OR8G5: variants seen among roughly 807,000 people sequenced by gnomAD.
OR8G5 encodes olfactory receptor family 8 subfamily G member 5, also known as olfactory receptor 8G5.
For synonymous variants in OR8G5, 147 were observed against 147.7 expected, an observed-to-expected ratio of 1.00 and a Z score of 0.03; for missense variants, 347 against 371.9, an observed-to-expected ratio of 0.93 and a Z score of 0.55.
chr11:124,260,659 T>G (rs990080923), intron 1 of OR8G5, among the ~76,000 whole-genome samples: 42 of 148,940 alleles, frequency 2.8e-4, no homozygotes, highest in African/African-American at 9.2e-4. Flanking sequence ...TCCACAGATA[T>G]GGTAAATCTC....
In OR8G5 at chr11:124,265,898, A is replaced by T; in HGVS notation, c.*31A>T. The T allele has an allele frequency of 6.4e-7, 1 of 1,554,936 alleles. No individual in the cohort carries two copies. The highest frequency in any genetic ancestry group is 1.2e-5 in the South Asian group (1 of 81,470). The stretch of plus-strand genomic sequence containing the variant: ...AGTACAATGAAAAAGATTGCATTAG[A>T]TCTAAGTTTTTGGCTATGATATTGT... On this transcript the variant is annotated 3_prime_UTR_variant, in exon 2 of 2. Coordinates refer to ENST00000641992, the MANE Select transcript of OR8G5 (RefSeq NM_001005198.2).
Position 124,265,846 on chromosome 11 carries a change from AG to A in OR8G5, c.918del (p.Arg308GlufsTer66). On this transcript the variant is annotated frameshift_variant, in exon 2 of 2. Transcript: ENST00000641992. LOFTEE classifies it low-confidence loss of function (END_TRUNC). ...TCCACGTTGCCCTGAAGAAAACGCT[AG>A]GGAAAAGAACATTCTTATGAACAGA... ...DVHVALKKTL[G>X]KRTFL is the part of the protein sequence containing the mutation. The A allele has an allele frequency of 6.2e-7, 1 of 1,612,470 alleles. No individual in the cohort carries two copies. The highest frequency in any genetic ancestry group is 1.3e-5 in the African/African-American group (1 of 75,004).
Position 124,265,829 on chromosome 11 carries a change from G to T in OR8G5, c.898G>T (p.Ala300Ser), listed in dbSNP as rs202012586. The T allele has an allele frequency of 6.2e-7, 1 of 1,613,718 alleles. No individual in the cohort carries two copies. The highest frequency in any genetic ancestry group is 8.5e-7 in the Non-Finnish European group (1 of 1,179,792). Reference protein sequence around the residue: ...YSLRNKDVHVALKKTLGKRTF... With the variant: ...YSLRNKDVHVSLKKTLGKRTF... ...CCTGAGGAATAAAGATGTCCACGTTGCCCTGAAGAAAACGCTAGGGAAAAG... is the reference window on the plus strand; with the variant it reads ...CCTGAGGAATAAAGATGTCCACGTTTCCCTGAAGAAAACGCTAGGGAAAAG... The change falls in exon 2 of 2, where the codon GCC becomes TCC. Residue 300 changes from alanine to serine, a missense_variant. By Grantham distance (99) the Ala-to-Ser change is moderately conservative. Transcript: ENST00000641992.
intron 1 of OR8G5, among the ~76,000 whole-genome samples, chr11:124,256,901 T>C (rs537310262): frequency 2.0e-5 from 3 of 152,196 alleles, no homozygotes; most frequent in Non-Finnish European, 1.5e-5. Context: ...TTTCTGAGCA[T>C]GCAGTAGAAA....
rs1166541949 is a variant in OR8G5 at position 124,265,437 on chromosome 11, G to A, written c.506G>A (p.Cys169Tyr). Reference protein sequence around the residue: ...HIGCMFRVQFCKFDVINHYFC... With the variant: ...HIGCMFRVQFYKFDVINHYFC... Reference sequence around the variant, plus strand: ...GGCTGTATGTTTAGGGTTCAATTCTGCAAATTTGATGTGATCAACCATTAT... The same window carrying A: ...GGCTGTATGTTTAGGGTTCAATTCTACAAATTTGATGTGATCAACCATTAT... Residue 169 changes from cysteine (C) to tyrosine (Y), a missense_variant, in exon 2 of 2, where the codon TGC (cysteine) becomes TAC (tyrosine). Cys to Tyr is a radical substitution (Grantham distance 194, BLOSUM62 -2). Transcript: ENST00000641992. The A allele has an allele frequency of 1.2e-6, 2 of 1,613,860 alleles. No individual in the cohort carries two copies. The highest frequency in any genetic ancestry group is 1.3e-5 in the African/African-American group (1 of 74,904).
chr11:124,258,016 T>C (rs1484544761), intron 1 of OR8G5, among the ~76,000 whole-genome samples: 1 of 152,110 alleles, frequency 6.6e-6, no homozygotes, highest in African/African-American at 2.4e-5. Context: ...GTACTCCATA[T>C]CCCATTATTT....
chr11:124,265,917 A>C lies in OR8G5; in HGVS notation c.*50A>C, dbSNP rs759142413. 2.0e-6 allele frequency: 3 copies of C among 1,509,526 alleles called. No homozygotes were observed. The African/African-American group carries it at 4.2e-5, about 21-fold the overall frequency. The allele number at this position is 1,509,526 out of a possible 1,614,324, so 93.5% of individuals were successfully genotyped here. On this transcript the variant is annotated 3_prime_UTR_variant, in exon 2 of 2. Transcript: ENST00000641992. Reference sequence around the variant, plus strand: ...CATTAGATCTAAGTTTTTGGCTATGATATTGTATGAAATGATGTCTTTCAC... The same window carrying C: ...CATTAGATCTAAGTTTTTGGCTATGCTATTGTATGAAATGATGTCTTTCAC...
chr11:124,265,018 C>G lies in OR8G5; in HGVS notation c.87C>G (p.Leu29=). The stretch of plus-strand genomic sequence containing the variant: ...CAGAGCTACAGCTGCCCCTCTTCCT[C>G]GTCTTCCTGGGAATCTATGTAGTCA... ...EKSELQLPLF[L]VFLGIYVVTV... is the part of the protein sequence containing the mutation. Residue 29 remains leucine, a synonymous_variant, in exon 2 of 2, where the codon CTC becomes CTG. Transcript: ENST00000641992. 1.2e-6 allele frequency: 2 copies of G among 1,614,042 alleles called. No individual in the cohort carries two copies. Among genetic ancestry groups the G allele is most frequent in the East Asian group, 4.5e-5 (2 of 44,874 alleles).
At chr11:124,259,815 G>A (rs955164639) in intron 1 of OR8G5, among the ~76,000 whole-genome samples, 3 of 152,016 alleles carry the variant, frequency 2.0e-5, no homozygotes, top group Non-Finnish European at 4.4e-5. Context: ...CATATATTCT[G>A]AAAGCCTGTG....
Position 124,265,538 on chromosome 11 carries a change from A to G in OR8G5, c.607A>G (p.Ser203Gly). Residue 203 changes from serine (S) to glycine (G), a missense_variant, in exon 2 of 2, where the codon AGT becomes GGT. Transcript: ENST00000641992. ...TAATGAGTTACTGATTTTAATCTTT[A>G]GTGGAATTAACATCCTTGTCCCCAG... ...YINELLILIF[S>G]GINILVPSLT... The G allele has an allele frequency of 1.2e-6, 2 of 1,613,906 alleles. No individual in the cohort carries two copies. The highest frequency in any genetic ancestry group is 1.7e-6 in the Non-Finnish European group (2 of 1,179,780).
intron 1 of OR8G5, among the ~76,000 whole-genome samples, chr11:124,261,602 C>A (rs1179449790): frequency 6.6e-6 from 1 of 151,890 alleles, no homozygotes; most frequent in Admixed American, 6.6e-5. Context: ...CATGGACATA[C>A]TTAGCTACTA....
intron 1 of OR8G5, among the ~76,000 whole-genome samples, chr11:124,263,792 A>T (rs1011321711): frequency 6.6e-6 from 1 of 152,098 alleles, no homozygotes; most frequent in African/African-American, 2.4e-5. Context: ...TGTGTTAAGA[A>T]ATGTATAGAT....
chr11:124,259,705 T>C (rs887759970), intron 1 of OR8G5, among the ~76,000 whole-genome samples: 4 of 152,118 alleles, frequency 2.6e-5, no homozygotes, highest in African/African-American at 9.7e-5. Flanking sequence ...ATCAATCATA[T>C]TGGGAAATAC....
chr11:124,265,091 C>A lies in OR8G5; in HGVS notation c.160C>A (p.His54Asn), dbSNP rs537781830. 2.8e-5 allele frequency: 46 copies of A among 1,614,168 alleles called. 1 individual carries two copies. The South Asian group carries it at 4.4e-4, about 15-fold the overall frequency. ...GATCACACTGATTGGGCTCAGTTCT[C>A]ACCTGCACACACCTATGTACTGTTT... The part of the protein sequence containing the change: ...GMITLIGLSS[H>N]LHTPMYCFLS... Residue 54 changes from histidine to asparagine, a missense_variant, in exon 2 of 2, where the codon CAC (histidine) becomes AAC (asparagine). By Grantham distance (68) the His-to-Asn change is moderately conservative (BLOSUM62 1). Coordinates refer to ENST00000641992, the MANE Select transcript of OR8G5 (RefSeq NM_001005198.2).
chr11:124,264,603 A>C (rs946276242), intron 1 of OR8G5, among the ~76,000 whole-genome samples: 1 of 152,164 alleles, frequency 6.6e-6, no homozygotes, highest in Non-Finnish European at 1.5e-5. Flanking sequence ...ATTTTTACTT[A>C]TTTACACTGG....
chr11:124,265,149 A>G lies in OR8G5; in HGVS notation c.218A>G (p.His73Arg), dbSNP rs374534751. 2.5e-6 allele frequency: 4 copies of G among 1,614,022 alleles called. No homozygotes were observed. In the African/African-American group the frequency reaches 4.0e-5, roughly 16 times the overall value. ...AGTCTGTCCTTCATTGACTTCTGCC[A>G]TTCCACTGTCATTACCCCTAAGATG... Reference protein sequence around the residue: ...LSSLSFIDFCHSTVITPKMLV... With the variant: ...LSSLSFIDFCRSTVITPKMLV... The change falls in exon 2 of 2, where the codon CAT (histidine) becomes CGT (arginine). Residue 73 changes from histidine (H) to arginine (R), a missense_variant. By Grantham distance (29) the His-to-Arg change is conservative (BLOSUM62 0). Coordinates refer to ENST00000641992, the MANE Select transcript of OR8G5 (RefSeq NM_001005198.2).
chr11:124,257,547 G>A (rs1861925744), intron 1 of OR8G5, among the ~76,000 whole-genome samples: 2 of 152,098 alleles, frequency 1.3e-5, no homozygotes, highest in Admixed American at 6.5e-5. Context: ...GTTATGGAAG[G>A]TGAGGGGTGG....
intron 1 of OR8G5, chr11:124,264,706 T>G (rs1862010260): frequency 5.2e-6 from 3 of 577,190 alleles, no homozygotes; most frequent in Non-Finnish European, 8.9e-6. Context: ...ACACTCAAAG[T>G]TTTTAATTAT....
chr11:124,261,327 T>C (rs1413451169), intron 1 of OR8G5, among the ~76,000 whole-genome samples: 1 of 152,056 alleles, frequency 6.6e-6, no homozygotes, highest in South Asian at 2.1e-4. Context: ...TGATATTCTT[T>C]TTGTGCTTCT....
Sources: gnomAD v4.1 joint callset for allele counts (sites outside exome capture counted in the v4.1 genomes callset) on GRCh38, gnomAD v4.1.1 for gene constraint, MANE v1.5 for transcripts, NCBI Gene and HGNC (gene_info 2026-07-23, HGNC 2026-07-21) for gene names.